Variants in HERC1 observed in about 807,000 individuals in gnomAD.
HERC1 encodes the protein HECT and RLD domain containing E3 ubiquitin protein ligase family member 1, also known as probable E3 ubiquitin-protein ligase HERC1.
Under a neutral mutation model 554.3 loss-of-function variants are expected in HERC1, and 160 were observed. The observed-to-expected ratio is 0.29, with a 90% CI of 0.25 to 0.33. The LOEUF (loss-of-function observed/expected upper bound fraction) is 0.33. Ranked by LOEUF, HERC1 falls within the 10% of genes least tolerant of loss-of-function variation. The pLI, the probability that HERC1 is intolerant of heterozygous loss-of-function variation, is 1.00. For missense variants in HERC1, 4,919 were observed against 5,918.5 expected (o/e 0.83, Z 5.54); for synonymous variants, 2,175 against 2,131.7 (o/e 1.02, Z -0.56).
rs372635208 is a variant in HERC1 at position 63,729,532 on chromosome 15, G to A, written c.2986C>T (p.Leu996=). 29 of 1,613,678 alleles carry A rather than the reference G, an allele frequency of 1.8e-5. No individual in the cohort carries two copies. Among genetic ancestry groups the A allele is most frequent in the Non-Finnish European group, 2.4e-5 (28 of 1,179,752 alleles). Residue 996 remains leucine (L), a synonymous_variant, in exon 15 of 78, where the codon CTG becomes TTG. Coordinates refer to ENST00000443617, the MANE Select transcript of HERC1 (RefSeq NM_003922.4). ...TTATTGATATGGCAAAATGCCAGCA[G>A]CTGTTTCTGTAGTGAACATAGCAGT... ...HELLCSLQKQ[L]LAFCHINNIS...
At chr15:63,794,503 A>T (rs1331074232) in intron 1 of HERC1, among the ~76,000 whole-genome samples, 1 of 152,182 alleles carries the variant, frequency 6.6e-6, no homozygotes, top group African/African-American at 2.4e-5. Flanking sequence ...ATCATGGCTC[A>T]GTCTTTCCAG....
chr15:63,690,285 T>C (rs1189971111), intron 32 of HERC1, among the ~76,000 whole-genome samples: 2 of 152,106 alleles, frequency 1.3e-5, no homozygotes, highest in East Asian at 3.8e-4. Flanking sequence ...GGTCCAAACC[T>C]AGTAAGAAAT....
intron 12 of HERC1, among the ~76,000 whole-genome samples, chr15:63,739,194 A>ATATATTTTTTTTTT (rs1567071803): frequency 2.0e-5 from 1 of 50,638 alleles, no homozygotes; most frequent in African/African-American, 6.8e-5. Context: ...CCACTAATAT[A>ATATATTTTTTTTTT]CTTTTTTTTT....
rs2071267337 is a variant in HERC1 at position 63,677,451 on chromosome 15, G to A, written c.7070+394C>T. On this transcript the variant is annotated intron_variant, in intron 37 of 77. Coordinates refer to ENST00000443617, the MANE Select transcript of HERC1 (RefSeq NM_003922.4). The surrounding 1 kb of genome is among the most constrained non-coding windows in gnomAD (Gnocchi z 4.4). ...CAAACGTTCATATCCAATATTCAGA[G>A]CCTTGCTACCACAAAATGCAATGAA... Among the ~76,000 whole-genome samples, 1 of 152,138 alleles carries A rather than the reference G, an allele frequency of 6.6e-6. No homozygotes were observed.
intron 37 of HERC1, among the ~76,000 whole-genome samples, chr15:63,676,996 TTCTGGATTTCAGA>T (rs1245292999): frequency 2.0e-5 from 3 of 152,204 alleles, no homozygotes; most frequent in African/African-American, 7.2e-5. Context: ...ATCAGAAGTG[TTCTGGATTTCAGA>T]TTTTTTTCCC....
At position 63,694,228 on chromosome 15, in the gene HERC1, A is replaced by G. The variant is rs2072279530; in HGVS notation, c.5481-71T>C. 6.4e-7 allele frequency: 1 copy of G among 1,563,190 alleles called. No individual in the cohort carries two copies. Among genetic ancestry groups the G allele is most frequent in the African/African-American group, 1.4e-5 (1 of 73,492 alleles). ...GCAAGCATAGTGCTTAAATACATAA[A>G]GCAGATTAGAGGGAAAGGGGGAATT... On this transcript the variant is annotated intron_variant, in intron 29 of 77. Transcript: ENST00000443617. The surrounding 1 kb of genome is among the most constrained non-coding windows in gnomAD (Gnocchi z 4.3).
chr15:63,660,039 C>A, intron 46 of HERC1, 103 bp from the exon 47 acceptor site: 1 of 944,510 alleles, frequency 1.1e-6, no homozygotes. Flanking sequence ...AGATGAGCAG[C>A]CAGATGCGAT....
In HERC1 at chr15:63,723,435, T is replaced by C. The variant is rs974415846; in HGVS notation, c.3569-80A>G. ...ATAAAATCTTACCACATTTATTTAATGATTATGAAATGATAAACTTCAAAC... is the reference window on the plus strand; with the variant it reads ...ATAAAATCTTACCACATTTATTTAACGATTATGAAATGATAAACTTCAAAC... On this transcript the variant is annotated intron_variant, in intron 18 of 77. Transcript: ENST00000443617. The C allele has an allele frequency of 4.3e-5, 42 of 984,914 alleles. 1 individual carries two copies. The highest frequency in any genetic ancestry group is 5.6e-5 in the Non-Finnish European group (38 of 683,888). 61.0% of individuals were successfully genotyped at this position (984,914 alleles called of 1,614,324 possible).
intron 1 of HERC1, among the ~76,000 whole-genome samples, chr15:63,809,670 G>A (rs2077240744): frequency 1.3e-5 from 2 of 152,000 alleles, no homozygotes; most frequent in South Asian, 4.1e-4. Context: ...AGGACATTTA[G>A]AAGGTATACT....
chr15:63,756,705 C>T lies in HERC1; in HGVS notation c.1265G>A (p.Gly422Asp), dbSNP rs1365930220. The T allele has an allele frequency of 6.2e-7, 1 of 1,612,122 alleles. No homozygotes were observed. Residue 422 changes from glycine (G) to aspartate (D), a missense_variant, in exon 5 of 78, where the codon GGC (glycine) becomes GAC (aspartate). Physicochemically the swap from Gly to Asp is moderately conservative, Grantham distance 94. This residue lies in a region of HERC1 where 744 missense variants were observed against 1,090.0 expected (regional missense o/e 0.68). Transcript: ENST00000443617. This position sits in a 1 kb window ranked among gnomAD's most constrained non-coding sequence, Gnocchi z 5.0. Reference sequence around the variant, plus strand: ...GCCTTTCCCGCAAGCTCTAACAGAGCCATCCGTAGAAATGACAAAAGTGCA... The same window carrying T: ...GCCTTTCCCGCAAGCTCTAACAGAGTCATCCGTAGAAATGACAAAAGTGCA... ...QYCTFVISTD[G>D]SVRACGKGSY...
chr15:63,688,275 C>T (rs1306736104), intron 33 of HERC1, among the ~76,000 whole-genome samples: 3 of 152,080 alleles, frequency 2.0e-5, no homozygotes, highest in Non-Finnish European at 4.4e-5. Context: ...GGGGGTGAGG[C>T]ATCAAGATGA....
chr15:63,655,708 A>C, intron 50 of HERC1, 34 bp downstream of exon 50: 1 of 1,359,024 alleles, frequency 7.4e-7, no homozygotes, highest in Non-Finnish European at 1.0e-6. Flanking sequence ...GAAGTCGATT[A>C]GAAGACTGTA....
At chr15:63,650,578 T>C (rs2069621825) in intron 53 of HERC1, among the ~76,000 whole-genome samples, 1 of 152,078 alleles carries the variant, frequency 6.6e-6, no homozygotes, top group Non-Finnish European at 1.5e-5. Context: ...TCACCACGCC[T>C]GGCTGTCTGT....
chr15:63,679,654 C>T (rs902268768), intron 36 of HERC1, among the ~76,000 whole-genome samples: 2 of 152,188 alleles, frequency 1.3e-5, no homozygotes, highest in African/African-American at 2.4e-5. Context: ...AGTTCAAATT[C>T]ACACCATCTA....
chr15:63,829,832 G>A (rs1051061189), intron 1 of HERC1, among the ~76,000 whole-genome samples: 1 of 151,768 alleles, frequency 6.6e-6, no homozygotes, highest in African/African-American at 2.4e-5. Context: ...AGGCCAACCT[G>A]AAAGAGCTTC....
chr15:63,628,776 G>T lies in HERC1; in HGVS notation c.13006C>A (p.Leu4336Met). ...GHTNHVREPT[L>M]VTGLQGKNVR... Reference sequence around the variant, plus strand: ...TTTTTCCCTTGCAGACCTGTTACCAGGGTTGGTTCTCGAACATGGTTGGTA... The same window carrying T: ...TTTTTCCCTTGCAGACCTGTTACCATGGTTGGTTCTCGAACATGGTTGGTA... Residue 4336 changes from leucine (L) to methionine (M), a missense_variant, in exon 70 of 78, where the codon CTG (leucine) becomes ATG (methionine). Transcript: ENST00000443617. 1 of 1,614,028 alleles carries T rather than the reference G, an allele frequency of 6.2e-7. No homozygotes were observed. Among genetic ancestry groups the T allele is most frequent in the Non-Finnish European group, 8.5e-7 (1 of 1,179,890 alleles).
At chr15:63,696,475 T>A in intron 26 of HERC1, 136 bp from the exon 27 acceptor site, 1 of 616,290 alleles carries the variant, frequency 1.6e-6, no homozygotes, top group Non-Finnish European at 2.8e-6. Context: ...AAACATTTAT[T>A]TTATTATTAT....
In HERC1 at chr15:63,632,862, T is replaced by C. The variant is rs62012830; in HGVS notation, c.12694-51A>G. 0.18 allele frequency: 228,676 copies of C among 1,287,230 alleles called. 23,134 individuals are homozygous for C. The highest frequency in any genetic ancestry group is 0.19 in the Non-Finnish European group (177,158 of 918,670). The allele number at this position is 1,287,230 out of a possible 1,614,324, so 79.7% of individuals were successfully genotyped here. ...CAACTTTAAGAAGAAAAAAAATCAC[T>C]CTTGAATTTGCCTAATGGCATGTAT... is the stretch of plus-strand genomic sequence containing the variant. On this transcript the variant is annotated intron_variant, in intron 67 of 77. Coordinates refer to ENST00000443617, the MANE Select transcript of HERC1 (RefSeq NM_003922.4).
At chr15:63,767,163 G>A (rs193113695) in intron 2 of HERC1, among the ~76,000 whole-genome samples, 258 of 151,976 alleles carry the variant, frequency 1.7e-3, no homozygotes, top group African/African-American at 6.0e-3. Flanking sequence ...ACCATGCTTA[G>A]CTAATTTTTT....
Sources: allele counts gnomAD v4.1 joint callset (sites outside exome capture counted in the v4.1 genomes callset), GRCh38; gene constraint gnomAD v4.1.1; regional missense constraint gnomAD v4.1.1; non-coding constraint Gnocchi (gnomAD v3.1); transcripts MANE v1.5; gene names NCBI Gene and HGNC (gene_info 2026-07-23, HGNC 2026-07-21).